F13A1: variants seen among roughly 807,000 people sequenced by gnomAD.
F13A1 encodes the protein FSF, A subunit.
In F13A1, 47 loss-of-function variants were observed where a neutral mutation model predicts 80.1. That is an observed-to-expected ratio of 0.59 (90% confidence interval 0.46 to 0.75). The LOEUF is 0.75. Among genes scored for constraint, F13A1 ranks in the 30% least tolerant of loss-of-function variants. The pLI is 0.00. For synonymous variants in F13A1, 349 were observed against 344.9 expected (o/e 1.01, Z -0.13); for missense variants, 817 against 930.4 (o/e 0.88, Z 1.59).
intron 13 of F13A1, among the ~76,000 whole-genome samples, chr6:6,159,815 A>T (rs1342486777): frequency 6.6e-6 from 1 of 152,100 alleles, no homozygotes; most frequent in Non-Finnish European, 1.5e-5. Flanking sequence ...CATCTTTCAC[A>T]GGCCCCATGT....
At chr6:6,203,279 G>T (rs1761429669) in intron 8 of F13A1, among the ~76,000 whole-genome samples, 1 of 152,122 alleles carries the variant, frequency 6.6e-6, no homozygotes, top group Admixed American at 6.5e-5. Flanking sequence ...CTGAGTGTAG[G>T]TGAAATCTAT....
At chr6:6,172,198 G>A (rs141886894) in intron 12 of F13A1, among the ~76,000 whole-genome samples, 9 of 152,256 alleles carry the variant, frequency 5.9e-5, no homozygotes, top group African/African-American at 2.2e-4. Context: ...GATGAGGAGA[G>A]ACAGCTCAGA....
At chr6:6,148,620 T>G (rs1454630647) in intron 14 of F13A1, among the ~76,000 whole-genome samples, 1 of 152,156 alleles carries the variant, frequency 6.6e-6, no homozygotes, top group East Asian at 1.9e-4. Flanking sequence ...AGTGGAGTGC[T>G]TCTAATTATC....
At chr6:6,299,865 C>T (rs1038046110) in intron 3 of F13A1, among the ~76,000 whole-genome samples, 2 of 147,418 alleles carry the variant, frequency 1.4e-5, no homozygotes, top group Non-Finnish European at 3.0e-5. Context: ...CTGTTTTTTC[C>T]CCATCTTTGT....
intron 8 of F13A1, among the ~76,000 whole-genome samples, chr6:6,203,793 G>A (rs1486226320): frequency 1.3e-5 from 2 of 152,084 alleles, no homozygotes; most frequent in East Asian, 1.9e-4. Context: ...ACATGCATAC[G>A]ACACACAAAG....
Position 6,162,611 on chromosome 6 carries a change from G to C in F13A1, c.1908+4847C>G, listed in dbSNP as rs1760595121. ...GAAGTGTCTCTCCTTCCCTCAACAG[G>C]CACGTGATCACGGGCCAGTTACTAA... On this transcript the variant is annotated intron_variant, in intron 13 of 14. Transcript: ENST00000264870. This position sits in a 1 kb window ranked among gnomAD's most constrained non-coding sequence, Gnocchi z 4.2. 6.6e-6 allele frequency among the ~76,000 whole-genome samples: 1 copy of C among 152,138 alleles called. No individual in the cohort carries two copies. The highest frequency in any genetic ancestry group is 1.5e-5 in the Non-Finnish European group (1 of 68,034).
At chr6:6,185,138 T>C (rs577350075) in intron 10 of F13A1, among the ~76,000 whole-genome samples, 2 of 152,074 alleles carry the variant, frequency 1.3e-5, no homozygotes, top group South Asian at 4.2e-4. Flanking sequence ...TCTTTTTTTT[T>C]TTTTATTATA....
rs776991399 is a variant in F13A1 at position 6,305,546 on chromosome 6, A to G, written c.131-7T>C. ...CTCGTGACATTAAGAAACTCTATGAACAAGAAAAACAAGGGTTGAAGAAAA... is the reference window on the plus strand; with the variant it reads ...CTCGTGACATTAAGAAACTCTATGAGCAAGAAAAACAAGGGTTGAAGAAAA... On this transcript the variant is annotated splice_polypyrimidine_tract_variant and splice_region_variant and intron_variant, in intron 2 of 14. Coordinates refer to ENST00000264870, the MANE Select transcript of F13A1 (RefSeq NM_000129.4). 1.3e-5 allele frequency: 21 copies of G among 1,613,776 alleles called. No individual in the cohort carries two copies. Among genetic ancestry groups the G allele is most frequent in the Non-Finnish European group, 1.6e-5 (19 of 1,179,794 alleles).
chr6:6,176,172 A>G (rs1414105766), intron 11 of F13A1, among the ~76,000 whole-genome samples: 1 of 151,548 alleles, frequency 6.6e-6, no homozygotes, highest in South Asian at 2.1e-4. Context: ...TGAAAAAAAA[A>G]TCACTTTAAA....
intron 4 of F13A1, among the ~76,000 whole-genome samples, chr6:6,258,279 G>A (rs1351622669): frequency 1.3e-5 from 2 of 152,094 alleles, no homozygotes; most frequent in Admixed American, 1.3e-4. Context: ...TGAAATCTGA[G>A]TCTAATAATC....
chr6:6,268,344 A>T (rs1757873588), intron 3 of F13A1, among the ~76,000 whole-genome samples: 1 of 152,242 alleles, frequency 6.6e-6, no homozygotes, highest in South Asian at 2.1e-4. Context: ...TAATTTGACA[A>T]ATCAGGAAAC....
rs148023275 is a variant in F13A1 at position 6,281,353 on chromosome 6, T to C, written c.320-14544A>G. On this transcript the variant is annotated intron_variant, in intron 3 of 14. Transcript: ENST00000264870. ...AGGGGATTTTACAGTCTCAATGTAATTTCTTCTAAGACCTTTCCAGATCCC... is the reference window on the plus strand; with the variant it reads ...AGGGGATTTTACAGTCTCAATGTAACTTCTTCTAAGACCTTTCCAGATCCC... Among the ~76,000 whole-genome samples the C allele has an allele frequency of 1.1e-3, 171 of 152,270 alleles. 1 individual carries two copies. Among genetic ancestry groups the C allele is most frequent in the African/African-American group, 3.9e-3 (164 of 41,558 alleles).
At chr6:6,197,874 C>A (rs1300078624) in intron 8 of F13A1, among the ~76,000 whole-genome samples, 2 of 152,168 alleles carry the variant, frequency 1.3e-5, no homozygotes, top group Non-Finnish European at 2.9e-5. Flanking sequence ...AGAGCAGCTT[C>A]AAGGCCACCC....
intron 3 of F13A1, among the ~76,000 whole-genome samples, chr6:6,281,347 A>G (rs1457242466): frequency 6.6e-6 from 1 of 152,104 alleles, no homozygotes; most frequent in Non-Finnish European, 1.5e-5. Flanking sequence ...TACAGTCTCA[A>G]TGTAATTTCT....
chr6:6,275,369 GT>G (rs1757974541), intron 3 of F13A1, among the ~76,000 whole-genome samples: 5 of 148,542 alleles, frequency 3.4e-5, no homozygotes, highest in Admixed American at 3.3e-4. Flanking sequence ...TATTTTTTTT[GT>G]TTGTTTTGTT....
chr6:6,205,732 A>G (rs774001551), intron 8 of F13A1, among the ~76,000 whole-genome samples: 7 of 151,638 alleles, frequency 4.6e-5, no homozygotes, highest in Non-Finnish European at 7.4e-5. Flanking sequence ...TTTTTAGTGT[A>G]GTACCTCCAA....
intron 4 of F13A1, among the ~76,000 whole-genome samples, chr6:6,261,388 G>A (rs1222031728): frequency 6.6e-6 from 1 of 152,218 alleles, no homozygotes; most frequent in African/African-American, 2.4e-5. Flanking sequence ...CCAAGTAGCT[G>A]GGACCGCAGG....
At chr6:6,303,835 GA>G (rs1758471749) in intron 3 of F13A1, among the ~76,000 whole-genome samples, 1 of 152,154 alleles carries the variant, frequency 6.6e-6, no homozygotes, top group Non-Finnish European at 1.5e-5. Flanking sequence ...TTGGTCATGT[GA>G]AATTTTTTTA....
At chr6:6,279,104 G>A (rs535661655) in intron 3 of F13A1, among the ~76,000 whole-genome samples, 34 of 152,156 alleles carry the variant, frequency 2.2e-4, no homozygotes, top group Non-Finnish European at 4.0e-4. Flanking sequence ...AGCTGGAACT[G>A]GGTGTTGGAA....
Sources: allele counts gnomAD v4.1 joint callset (sites outside exome capture counted in the v4.1 genomes callset), GRCh38; gene constraint gnomAD v4.1.1; non-coding constraint Gnocchi (gnomAD v3.1); transcripts MANE v1.5; gene names NCBI Gene and HGNC (gene_info 2026-07-23, HGNC 2026-07-21).